The following PCDHGB1 variants were observed in gnomAD, a reference collection of about 807,000 sequenced individuals.
PCDHGB1 encodes the protein protocadherin gamma subfamily B, 1.
PCDHGB1 carries 34 observed loss-of-function variants against 56.6 expected under a neutral mutation model. The observed-to-expected ratio is 0.60, with a 90% CI of 0.46 to 0.80. The LOEUF is 0.80. Among genes scored for constraint, PCDHGB1 ranks in the 30% least tolerant of loss-of-function variants. The probability of loss-of-function intolerance (pLI) is 0.00; values close to 1 mark genes in which losing one functional copy is unlikely to be tolerated. For synonymous variants in PCDHGB1, 561 were observed against 505.9 expected, an observed-to-expected ratio of 1.11 and a Z score of -1.46; for missense variants, 1,278 against 1,204.6, an observed-to-expected ratio of 1.06 and a Z score of -0.90.
chr5:141,387,735 T>C lies in PCDHGB1; in HGVS notation c.2409+35066T>C, dbSNP rs966437790. The C allele has an allele frequency of 1.2e-5, 16 of 1,308,452 alleles. No individual in the cohort carries two copies. In the East Asian group the frequency reaches 1.3e-4, roughly 10 times the overall value. 81.1% of individuals were successfully genotyped at this position (1,308,452 alleles called of 1,614,324 possible). ...GCTCAGACTCCCCAGCGCCAGCCTTTACACCGCTTCCTCCTCGGAAAAAGA... is the reference window on the plus strand; with the variant it reads ...GCTCAGACTCCCCAGCGCCAGCCTTCACACCGCTTCCTCCTCGGAAAAAGA... On this transcript the variant is annotated intron_variant, in intron 1 of 3. Transcript: ENST00000523390.
intron 1 of PCDHGB1, chr5:141,412,160 G>T (rs952899384): frequency 2.0e-5 from 3 of 152,212 alleles, no homozygotes; most frequent in Middle Eastern, 3.2e-3. Flanking sequence ...TAAGAGAAGA[G>T]ATTATTTATA....
At chr5:141,465,979 G>C (rs779605313) in intron 1 of PCDHGB1, among the ~76,000 whole-genome samples, 26 of 151,846 alleles carry the variant, frequency 1.7e-4, no homozygotes, top group Non-Finnish European at 3.8e-4. Flanking sequence ...AAAATTAGCC[G>C]GGCATGGTGG....
rs776047060 is a variant in PCDHGB1, at chr5:141,393,622, A to T, written c.2409+40953A>T. The T allele has an allele frequency of 1.9e-6, 3 of 1,613,960 alleles. No individual in the cohort carries two copies. The Admixed American group carries it at 5.0e-5, about 27-fold the overall frequency. ...CTTACTGTAACAGCCAGCGACCCGG[A>T]TGAGGGAATCAACGGAAAAGTGGCA... On this transcript the variant is annotated intron_variant, in intron 1 of 3. Coordinates refer to ENST00000523390, the MANE Select transcript of PCDHGB1 (RefSeq NM_018922.3).
intron 1 of PCDHGB1, chr5:141,395,380 T>C (rs1219736482): frequency 9.0e-7 from 1 of 1,112,054 alleles, no homozygotes; most frequent in African/African-American, 1.6e-5. Context: ...GTGGTGTTAC[T>C]ATAAAATTGA....
At chr5:141,414,458 C>T (rs2095749873) in intron 1 of PCDHGB1, 9 of 1,613,698 alleles carry the variant, frequency 5.6e-6, no homozygotes, top group Non-Finnish European at 6.8e-6. Flanking sequence ...ACAGTGACAG[C>T]CACAGATGGG....
At chr5:141,465,466 C>T (rs1280373152) in intron 1 of PCDHGB1, among the ~76,000 whole-genome samples, 1 of 152,156 alleles carries the variant, frequency 6.6e-6, no homozygotes, top group African/African-American at 2.4e-5. Flanking sequence ...ACCAAATTGC[C>T]CTTGCTTCAT....
In PCDHGB1 at chr5:141,432,704, C is replaced by T; in HGVS notation, c.2410-62103C>T. ...GAGCCTCGTAGTGGCCGTCCAGGAC[C>T]ACGGCCAGCCCCCTCTCTCCGCCAC... is the stretch of plus-strand genomic sequence containing the variant. On this transcript the variant is annotated intron_variant, in intron 1 of 3. Coordinates refer to ENST00000523390, the MANE Select transcript of PCDHGB1 (RefSeq NM_018922.3). The surrounding 1 kb of genome is among the most constrained non-coding windows in gnomAD (Gnocchi z 6.0). The T allele has an allele frequency of 6.2e-7, 1 of 1,613,966 alleles. No homozygotes were observed. The highest frequency in any genetic ancestry group is 8.5e-7 in the Non-Finnish European group (1 of 1,179,976).
intron 1 of PCDHGB1, among the ~76,000 whole-genome samples, chr5:141,353,332 AAAGTTC>A (rs1759249277): frequency 1.3e-5 from 2 of 152,336 alleles, no homozygotes; most frequent in African/African-American, 4.8e-5. Context: ...CACCCAAGTT[AAAGTTC>A]ATCAATTACA....
In PCDHGB1 at chr5:141,366,466, G is replaced by C. The variant is rs774389587; in HGVS notation, c.2409+13797G>C. 9 of 1,614,110 alleles carry C rather than the reference G, an allele frequency of 5.6e-6. No individual in the cohort carries two copies. The South Asian group carries it at 9.9e-5, about 18-fold the overall frequency. Reference sequence around the variant, plus strand: ...TCCTGGCCTTCGTCATCGTGCTGCTGGTGCTCAGACTGAGGCGCTGGCACA... The same window carrying C: ...TCCTGGCCTTCGTCATCGTGCTGCTCGTGCTCAGACTGAGGCGCTGGCACA... On this transcript the variant is annotated intron_variant, in intron 1 of 3. Coordinates refer to ENST00000523390, the MANE Select transcript of PCDHGB1 (RefSeq NM_018922.3).
At chr5:141,394,883 ACTCTAT>A in intron 1 of PCDHGB1, 1 of 1,611,724 alleles carries the variant, frequency 6.2e-7, no homozygotes, top group Non-Finnish European at 8.5e-7. Context: ...CGAGCCTTAC[ACTCTAT>A]CTCGTGGTGG....
chr5:141,437,762 A>G (rs1286042187), intron 1 of PCDHGB1, among the ~76,000 whole-genome samples: 1 of 149,476 alleles, frequency 6.7e-6, no homozygotes, highest in African/African-American at 2.5e-5. Context: ...TTTTTGAGAC[A>G]GAGTCTCAAT....
chr5:141,412,963 G>A (rs1387713187), intron 1 of PCDHGB1: 2 of 518,110 alleles, frequency 3.9e-6, no homozygotes, highest in South Asian at 3.3e-5. Context: ...TCACCTACTA[G>A]GAGAGAAAAC....
At chr5:141,440,605 C>G (rs1214459401) in intron 1 of PCDHGB1, 1 of 152,228 alleles carries the variant, frequency 6.6e-6, no homozygotes, top group East Asian at 1.9e-4. Context: ...TGCAACAGAA[C>G]CTGCAGAAGA....
chr5:141,385,110 C>G (rs1315178545), intron 1 of PCDHGB1: 2 of 1,614,194 alleles, frequency 1.2e-6, no homozygotes, highest in South Asian at 2.2e-5. Flanking sequence ...ACGTGCCCAC[C>G]TCGCACTTTG....
In PCDHGB1 at chr5:141,380,718, C is replaced by T. The variant is rs1776684550; in HGVS notation, c.2409+28049C>T. Among the ~76,000 whole-genome samples the T allele has an allele frequency of 2.6e-5, 4 of 152,158 alleles. No homozygotes were observed. In the South Asian group the frequency reaches 8.3e-4, roughly 32 times the overall value. On this transcript the variant is annotated intron_variant, in intron 1 of 3. Transcript: ENST00000523390. ...GTAGTCTATAATTTAATTTAACTAG[C>T]TCTTATTTCCTTTTCTCCAAAGAAG...
chr5:141,393,573 A>G lies in PCDHGB1; in HGVS notation c.2409+40904A>G, dbSNP rs568065764. 1.2e-4 allele frequency: 190 copies of G among 1,613,964 alleles called. 1 individual carries two copies. In the South Asian group the frequency reaches 2.0e-3, roughly 17 times the overall value. ...GATTTACCGAGTGAAAGTCCTTGAGAACATGCCCCCAGGCACGCGGCTGCT... is the reference window on the plus strand; with the variant it reads ...GATTTACCGAGTGAAAGTCCTTGAGGACATGCCCCCAGGCACGCGGCTGCT... On this transcript the variant is annotated intron_variant, in intron 1 of 3. Coordinates refer to ENST00000523390, the MANE Select transcript of PCDHGB1 (RefSeq NM_018922.3).
intron 1 of PCDHGB1, chr5:141,388,966 G>A: frequency 1.2e-6 from 2 of 1,614,014 alleles, no homozygotes; most frequent in Non-Finnish European, 1.7e-6. Flanking sequence ...GCCGAGCTGG[G>A]AACACATATT....
intron 1 of PCDHGB1, chr5:141,372,620 C>T: frequency 6.2e-7 from 1 of 1,613,992 alleles, no homozygotes. Flanking sequence ...TTCTCCCCAC[C>T]TACAGCGAAA....
rs537985555 is a variant in PCDHGB1 at position 141,449,278 on chromosome 5, C to A, written c.2410-45529C>A. On this transcript the variant is annotated intron_variant, in intron 1 of 3. Coordinates refer to ENST00000523390, the MANE Select transcript of PCDHGB1 (RefSeq NM_018922.3). ...TGTACAAAGAACTGTATCTCCTTCA[C>A]CCGGATGCACCGGGTGAATTATATG... Among the ~76,000 whole-genome samples the A allele has an allele frequency of 4.6e-5, 7 of 152,166 alleles. No homozygotes were observed. In the South Asian group the frequency reaches 1.5e-3, roughly 32 times the overall value.
Sources: gnomAD v4.1 joint callset for allele counts (sites outside exome capture counted in the v4.1 genomes callset) on GRCh38, gnomAD v4.1.1 for gene constraint, Gnocchi (gnomAD v3.1) non-coding constraint, MANE v1.5 for transcripts, NCBI Gene and HGNC (gene_info 2026-07-23, HGNC 2026-07-21) for gene names.